The following LRMDA variants were observed in gnomAD, a reference collection of about 807,000 sequenced individuals.
LRMDA encodes the protein leucine-rich melanocyte differentiation-associated protein.
In LRMDA, 18 loss-of-function variants were observed where a neutral mutation model predicts 29.8. The observed-to-expected ratio is 0.60, with a 90% CI of 0.42 to 0.90. LRMDA has a LOEUF of 0.90. Among genes scored for constraint, LRMDA ranks in the 40% least tolerant of loss-of-function variants. The probability of loss-of-function intolerance (pLI) is 0.00; values close to 1 mark genes in which losing one functional copy is unlikely to be tolerated. For synonymous variants in LRMDA, 125 were observed against 109.4 expected, an observed-to-expected ratio of 1.14 and a Z score of -0.89; for missense variants, 273 against 273.9, an observed-to-expected ratio of 1.00 and a Z score of 0.02.
chr10:75,718,883 G>A (rs961393127), intron 2 of LRMDA, among the ~76,000 whole-genome samples: 3 of 152,132 alleles, frequency 2.0e-5, no homozygotes, highest in Admixed American at 6.5e-5. Flanking sequence ...AGATACAAAG[G>A]ATAAATATCT....
chr10:76,101,266 T>C (rs1395113716), intron 5 of LRMDA, among the ~76,000 whole-genome samples: 1 of 152,204 alleles, frequency 6.6e-6, no homozygotes, highest in Non-Finnish European at 1.5e-5. Flanking sequence ...ATGAACTGAT[T>C]TATATTTTCA....
At chr10:75,802,353 A>T (rs559194647) in intron 2 of LRMDA, among the ~76,000 whole-genome samples, 1 of 147,306 alleles carries the variant, frequency 6.8e-6, no homozygotes, top group Non-Finnish European at 1.5e-5. Context: ...ACACACACAC[A>T]CACACACACA....
intron 6 of LRMDA, among the ~76,000 whole-genome samples, chr10:76,520,956 A>G (rs34426790): frequency 0.013 from 1,974 of 152,286 alleles, 26 homozygotes; most frequent in Non-Finnish European, 0.02. Flanking sequence ...AGAACATTTG[A>G]TAAAAAATAG....
rs549603047 is a variant in LRMDA, at chr10:76,060,041, T to G, written c.516+1258T>G. On this transcript the variant is annotated intron_variant, in intron 5 of 6. Transcript: ENST00000611255. The stretch of plus-strand genomic sequence containing the variant: ...AACTGCCTTTAGTTATTCTAGCTTT[T>G]GTAATTTTTCCAAATGAAATAATTT... Among the ~76,000 whole-genome samples, 5 of 152,360 alleles carry G rather than the reference T, an allele frequency of 3.3e-5. No homozygotes were observed. In the South Asian group the frequency reaches 6.2e-4, roughly 19 times the overall value.
intron 6 of LRMDA, among the ~76,000 whole-genome samples, chr10:76,435,157 A>C (rs1842232686): frequency 6.6e-6 from 1 of 152,202 alleles, no homozygotes; most frequent in Admixed American, 6.5e-5. Context: ...GTATCATTGA[A>C]TATATCACTT....
chr10:75,729,156 G>C (rs1427809027), intron 2 of LRMDA, among the ~76,000 whole-genome samples: 1 of 152,204 alleles, frequency 6.6e-6, no homozygotes, highest in Non-Finnish European at 1.5e-5. Flanking sequence ...ATAGAAAGCT[G>C]CTGTGAAGGG....
intron 6 of LRMDA, among the ~76,000 whole-genome samples, chr10:76,424,980 C>T (rs1223246643): frequency 1.3e-5 from 2 of 152,146 alleles, no homozygotes; most frequent in Non-Finnish European, 2.9e-5. Flanking sequence ...ACTTTTCTCC[C>T]CATTAGCATC....
intron 2 of LRMDA, among the ~76,000 whole-genome samples, chr10:75,860,269 A>T (rs1247087240): frequency 1.4e-5 from 2 of 141,280 alleles, no homozygotes; most frequent in Non-Finnish European, 3.0e-5. Flanking sequence ...ACTACGCTCG[A>T]TTCCTGTGTT....
At chr10:76,028,805 G>C (rs2132499065) in intron 2 of LRMDA, among the ~76,000 whole-genome samples, 1 of 149,384 alleles carries the variant, frequency 6.7e-6, no homozygotes, top group South Asian at 2.1e-4. Context: ...ATTATGAGAA[G>C]CTTATTCAAA....
intron 2 of LRMDA, among the ~76,000 whole-genome samples, chr10:75,728,362 A>G (rs1407792680): frequency 6.6e-6 from 1 of 151,946 alleles, no homozygotes; most frequent in Admixed American, 6.6e-5. Context: ...ATGGGCTGTC[A>G]TTAAAAAATG....
chr10:76,336,758 A>T (rs1315663129), intron 6 of LRMDA, among the ~76,000 whole-genome samples: 2 of 152,174 alleles, frequency 1.3e-5, no homozygotes, highest in Non-Finnish European at 2.9e-5. Flanking sequence ...TCCCTTGTGG[A>T]TTAGCTCTTT....
At chr10:76,103,913 G>A (rs1453665697) in intron 5 of LRMDA, among the ~76,000 whole-genome samples, 1 of 152,186 alleles carries the variant, frequency 6.6e-6, no homozygotes, top group East Asian at 1.9e-4. Context: ...GCCAGGTGTG[G>A]TGGTGGGCGC....
intron 5 of LRMDA, among the ~76,000 whole-genome samples, chr10:76,069,934 T>C (rs532986288): frequency 3.3e-5 from 5 of 152,346 alleles, no homozygotes; most frequent in African/African-American, 9.6e-5. Context: ...AATTTGTTCA[T>C]GAGCTGTTGT....
chr10:76,378,282 T>C (rs1462666331), intron 6 of LRMDA, among the ~76,000 whole-genome samples: 3 of 152,194 alleles, frequency 2.0e-5, no homozygotes, highest in Non-Finnish European at 4.4e-5. Context: ...AGGAGTCTTT[T>C]GGAGGAGTCG....
chr10:75,701,826 C>T (rs994652418), intron 2 of LRMDA, among the ~76,000 whole-genome samples: 2 of 152,134 alleles, frequency 1.3e-5, no homozygotes, highest in Admixed American at 6.5e-5. Context: ...GGGGAATTCC[C>T]TCAATAACCT....
At chr10:76,382,407 G>A (rs1564526103) in intron 6 of LRMDA, among the ~76,000 whole-genome samples, 1 of 152,174 alleles carries the variant, frequency 6.6e-6, no homozygotes, top group Non-Finnish European at 1.5e-5. Context: ...TCACTTGGTG[G>A]CCATCGTATT....
chr10:76,456,961 T>G (rs1842462865), intron 6 of LRMDA, among the ~76,000 whole-genome samples: 1 of 152,142 alleles, frequency 6.6e-6, no homozygotes, highest in South Asian at 2.1e-4. Flanking sequence ...GATAGGAAGT[T>G]GAGTGTTGGT....
At chr10:76,195,630 A>G (rs1018623257) in intron 5 of LRMDA, among the ~76,000 whole-genome samples, 6 of 152,156 alleles carry the variant, frequency 3.9e-5, no homozygotes, top group East Asian at 3.9e-4. Context: ...ATTTGCAGCT[A>G]TAAGTTTGTC....
intron 1 of LRMDA, among the ~76,000 whole-genome samples, chr10:75,433,570 T>G (rs541392020): frequency 6.6e-6 from 1 of 152,228 alleles, no homozygotes; most frequent in Admixed American, 6.5e-5. Flanking sequence ...TTGTTTGTTT[T>G]TTCTACATTC....
Sources: gnomAD v4.1 joint callset for allele counts (sites outside exome capture counted in the v4.1 genomes callset) on GRCh38, gnomAD v4.1.1 for gene constraint, MANE v1.5 for transcripts, NCBI Gene and HGNC (gene_info 2026-07-23, HGNC 2026-07-21) for gene names.